Variants in ATL3 observed in about 807,000 individuals in gnomAD.
ATL3 encodes atlastin GTPase 3, also known as atlastin-3.
In ATL3, 49 loss-of-function variants were observed where a neutral mutation model predicts 69.5. The observed-to-expected ratio is 0.71, with a 90% CI of 0.56 to 0.89. ATL3 has a LOEUF of 0.89. Ranked by LOEUF, ATL3 falls within the 40% of genes least tolerant of loss-of-function variation. ATL3 has a pLI of 0.00. For synonymous variants in ATL3, 214 were observed against 224.1 expected (o/e 0.95, Z 0.40); for missense variants, 606 against 645.7 (o/e 0.94, Z 0.67).
At chr11:63,644,341 A>T in intron 6 of ATL3, 80 bp from the exon 7 acceptor site, 1 of 835,456 alleles carries the variant, frequency 1.2e-6, no homozygotes, top group Non-Finnish European at 2.0e-6. Context: ...ATCTTTGCAT[A>T]ATGCCAGCTT....
chr11:63,657,293 T>C (rs1940285774), intron 3 of ATL3, among the ~76,000 whole-genome samples: 1 of 151,512 alleles, frequency 6.6e-6, no homozygotes, highest in African/African-American at 2.4e-5. Context: ...GATGAAAGTC[T>C]GTATAAGAAA....
chr11:63,662,758 G>A lies in ATL3; in HGVS notation c.47-3506C>T, dbSNP rs887800654. ...CCTCCCAAAGTGTTGGGATTACAGC[G>A]ACACCGTACCCAGCCAAGAAGTCAA... On this transcript the variant is annotated intron_variant, in intron 1 of 12. Transcript: ENST00000398868. 8.5e-5 allele frequency among the ~76,000 whole-genome samples: 13 copies of A among 152,066 alleles called. No homozygotes were observed. The East Asian group carries it at 9.6e-4, about 11-fold the overall frequency.
chr11:63,657,645 T>G (rs1940297657), intron 3 of ATL3, among the ~76,000 whole-genome samples: 1 of 152,220 alleles, frequency 6.6e-6, no homozygotes, highest in African/African-American at 2.4e-5. Flanking sequence ...TACCTGACCT[T>G]TTAAACTATA....
At chr11:63,640,456 ATT>A (rs1303987634) in intron 8 of ATL3, among the ~76,000 whole-genome samples, 16 of 139,586 alleles carry the variant, frequency 1.1e-4, no homozygotes, top group East Asian at 2.1e-4. Context: ...TCCAGCTAGT[ATT>A]TTTTTTTTTT....
intron 8 of ATL3, among the ~76,000 whole-genome samples, chr11:63,638,876 A>G (rs1456468826): frequency 6.6e-6 from 1 of 152,246 alleles, no homozygotes; most frequent in African/African-American, 2.4e-5. Context: ...AACCACTAAA[A>G]TAATTCCTAA....
In ATL3 at chr11:63,657,361, A is replaced by G. The variant is rs1480117590; in HGVS notation, c.405+1400T>C. Reference sequence around the variant, plus strand: ...AAATCTGTGGAGAGGCTCTATGCCCATAGCTTACAAGGCATAGATGAGACT... The same window carrying G: ...AAATCTGTGGAGAGGCTCTATGCCCGTAGCTTACAAGGCATAGATGAGACT... On this transcript the variant is annotated intron_variant, in intron 3 of 12. Coordinates refer to ENST00000398868, the MANE Select transcript of ATL3 (RefSeq NM_015459.5). 2.0e-5 allele frequency among the ~76,000 whole-genome samples: 3 copies of G among 152,344 alleles called. No homozygotes were observed. In the East Asian group the frequency reaches 5.8e-4, roughly 29 times the overall value.
intron 1 of ATL3, among the ~76,000 whole-genome samples, chr11:63,661,828 G>C (rs1169088956): frequency 1.3e-5 from 2 of 151,868 alleles, no homozygotes; most frequent in Non-Finnish European, 2.9e-5. Context: ...GGTGGAGGTT[G>C]TGGTGAGCTG....
Position 63,667,492 on chromosome 11 carries a change from T to A in ATL3, c.46+3798A>T, listed in dbSNP as rs143211181. Among the ~76,000 whole-genome samples the A allele has an allele frequency of 2.6e-3, 403 of 152,158 alleles. 2 individuals carry two copies. The highest frequency in any genetic ancestry group is 8.9e-3 in the African/African-American group (368 of 41,532). On this transcript the variant is annotated intron_variant, in intron 1 of 12. Transcript: ENST00000398868. ...TTCCTGAGAAGTGGGCCGGGTGCAATGGCTCACGCCTGTAATCCCACCACT... is the reference window on the plus strand; with the variant it reads ...TTCCTGAGAAGTGGGCCGGGTGCAAAGGCTCACGCCTGTAATCCCACCACT...
At chr11:63,640,337 G>A (rs898203080) in intron 8 of ATL3, among the ~76,000 whole-genome samples, 1 of 152,064 alleles carries the variant, frequency 6.6e-6, no homozygotes, top group Non-Finnish European at 1.5e-5. Flanking sequence ...ACCCAGGCTA[G>A]AGTGCGGTGG....
At chr11:63,643,103 A>G (rs1939751222) in intron 8 of ATL3, among the ~76,000 whole-genome samples, 1 of 152,212 alleles carries the variant, frequency 6.6e-6, no homozygotes, top group Admixed American at 6.5e-5. Context: ...TCTCTTGTAA[A>G]CCAAGAACCA....
At chr11:63,658,564 G>C (rs958658052) in intron 3 of ATL3, among the ~76,000 whole-genome samples, 197 bp downstream of exon 3, 1 of 152,152 alleles carries the variant, frequency 6.6e-6, no homozygotes, top group African/African-American at 2.4e-5. Flanking sequence ...CTACAACTTC[G>C]CATACCTGTG....
chr11:63,656,753 T>C (rs1306235704), intron 3 of ATL3, among the ~76,000 whole-genome samples: 9 of 145,578 alleles, frequency 6.2e-5, no homozygotes, highest in Admixed American at 2.7e-4. Flanking sequence ...AAAGAAACAA[T>C]GTCAGCAAAA....
intron 11 of ATL3, 54 bp from the exon 12 acceptor site, chr11:63,631,525 A>T (rs1939319561): frequency 7.1e-7 from 1 of 1,403,602 alleles, no homozygotes; most frequent in African/African-American, 1.4e-5. Flanking sequence ...AACAAGTGCC[A>T]AATAAAACAT....
chr11:63,664,006 G>A (rs1940499931), intron 1 of ATL3, among the ~76,000 whole-genome samples: 1 of 152,158 alleles, frequency 6.6e-6, no homozygotes, highest in Admixed American at 6.6e-5. Context: ...CCAGGCATAT[G>A]AGGGCAACAC....
intron 3 of ATL3, among the ~76,000 whole-genome samples, chr11:63,655,708 A>T (rs1940220230): frequency 6.6e-6 from 1 of 151,818 alleles, no homozygotes; most frequent in Non-Finnish European, 1.5e-5. Flanking sequence ...CGGCCTCCCA[A>T]AGTGTGAGAT....
At position 63,658,968 on chromosome 11, in the gene ATL3, A is replaced by G. The variant is rs894813308; in HGVS notation, c.262-64T>C. 1.4e-5 allele frequency: 22 copies of G among 1,599,162 alleles called. No homozygotes were observed. In the Middle Eastern group the frequency reaches 5.0e-4, roughly 36 times the overall value. The stretch of plus-strand genomic sequence containing the variant: ...AAATTTTATGCATCAAGGATAATCT[A>G]TGAGCTTATTTCGCTTTTTTGGACA... On this transcript the variant is annotated intron_variant, in intron 2 of 12. Coordinates refer to ENST00000398868, the MANE Select transcript of ATL3 (RefSeq NM_015459.5).
At chr11:63,632,298 T>C in intron 11 of ATL3, 1 of 775,446 alleles carries the variant, frequency 1.3e-6, no homozygotes, top group Non-Finnish European at 2.4e-6. Flanking sequence ...CTCACTGTGC[T>C]TCTGAATACG....
Position 63,660,927 on chromosome 11 carries a change from G to T in ATL3, c.47-1675C>A, listed in dbSNP as rs545973451. Among the ~76,000 whole-genome samples, 3 of 151,884 alleles carry T rather than the reference G, an allele frequency of 2.0e-5. No homozygotes were observed. The East Asian group carries it at 5.8e-4, about 29-fold the overall frequency. On this transcript the variant is annotated intron_variant, in intron 1 of 12. Coordinates refer to ENST00000398868, the MANE Select transcript of ATL3 (RefSeq NM_015459.5). ...AATACTGCTCCATTTTAAGAAGAAG[G>T]AAATGGCCAGGCTCAGTGGCTCACA...
chr11:63,646,882 T>C (rs1230333002), intron 5 of ATL3, among the ~76,000 whole-genome samples: 1 of 152,210 alleles, frequency 6.6e-6, no homozygotes, highest in Admixed American at 6.5e-5. Context: ...TTTTATAATA[T>C]GGTTAGTTAG....
Sources: gnomAD v4.1 joint callset for allele counts (sites outside exome capture counted in the v4.1 genomes callset) on GRCh38, gnomAD v4.1.1 for gene constraint, MANE v1.5 for transcripts, NCBI Gene and HGNC (gene_info 2026-07-23, HGNC 2026-07-21) for gene names.